AGBL4: variants seen among roughly 807,000 people sequenced by gnomAD.
AGBL4 encodes the protein AGBL carboxypeptidase 4, also known as cytosolic carboxypeptidase 6.
AGBL4 carries 58 observed loss-of-function variants against 66.4 expected under a neutral mutation model. The ratio of observed to expected loss-of-function variants is 0.87; its 90% CI spans 0.71 to 1.09. The LOEUF (loss-of-function observed/expected upper bound fraction) is 1.09, where lower values mean the gene tolerates loss of function less well. Among genes scored for constraint, AGBL4 ranks in the 50% least tolerant of loss-of-function variants. The pLI is 0.00. For missense variants in AGBL4, 579 were observed against 631.0 expected, an observed-to-expected ratio of 0.92 and a Z score of 0.88; for synonymous variants, 234 against 222.9, an observed-to-expected ratio of 1.05 and a Z score of -0.44.
intron 5 of AGBL4, among the ~76,000 whole-genome samples, chr1:48,990,436 G>T (rs1013429038): frequency 6.6e-6 from 1 of 152,012 alleles, no homozygotes; most frequent in African/African-American, 2.4e-5. Context: ...TGTGCTTGCG[G>T]GGTACTGATC....
chr1:48,885,890 G>A (rs1161798101), intron 5 of AGBL4, among the ~76,000 whole-genome samples: 1 of 152,220 alleles, frequency 6.6e-6, no homozygotes, highest in East Asian at 1.9e-4. Flanking sequence ...CCAATCTACT[G>A]TAGATGGCAA....
rs549812658 is a variant in AGBL4, at chr1:49,258,014, C to T, written c.283-12150G>A. The stretch of plus-strand genomic sequence containing the variant: ...AGCATTTGCAGTTCATGAAAATCCA[C>T]GGTTCTGCAGACCCCGCTGCTGATA... On this transcript the variant is annotated intron_variant, in intron 3 of 13. Transcript: ENST00000371839. 1.6e-4 allele frequency among the ~76,000 whole-genome samples: 25 copies of T among 152,288 alleles called. No individual in the cohort carries two copies. The South Asian group carries it at 2.5e-3, about 15-fold the overall frequency.
At chr1:48,615,093 G>T (rs1310159188) in intron 9 of AGBL4, among the ~76,000 whole-genome samples, 1 of 152,120 alleles carries the variant, frequency 6.6e-6, no homozygotes, top group East Asian at 1.9e-4. Context: ...GTTTGTGGGG[G>T]TGCAAGTGCA....
chr1:48,951,352 T>C (rs1039254501), intron 5 of AGBL4, among the ~76,000 whole-genome samples: 2 of 152,144 alleles, frequency 1.3e-5, no homozygotes, highest in Admixed American at 1.3e-4. Flanking sequence ...GTGAAGAGAG[T>C]TGGAGGGGAA....
chr1:49,654,977 G>T (rs960697764), intron 3 of AGBL4, among the ~76,000 whole-genome samples: 2 of 152,100 alleles, frequency 1.3e-5, no homozygotes, highest in African/African-American at 4.8e-5. Flanking sequence ...GATGTTAGCT[G>T]GTTATTTTGC....
chr1:50,002,518 C>A (rs574290283), intron 1 of AGBL4, among the ~76,000 whole-genome samples: 1 of 151,202 alleles, frequency 6.6e-6, no homozygotes, highest in Non-Finnish European at 1.5e-5. Context: ...TACAGGCGCC[C>A]GCCACCACGC....
At chr1:49,250,795 A>G (rs1651995164) in intron 3 of AGBL4, among the ~76,000 whole-genome samples, 1 of 152,074 alleles carries the variant, frequency 6.6e-6, no homozygotes, top group Non-Finnish European at 1.5e-5. Context: ...ACCCACTCTC[A>G]CTACCAGCCT....
intron 1 of AGBL4, among the ~76,000 whole-genome samples, chr1:49,938,829 A>G (rs1654408332): frequency 6.6e-6 from 1 of 152,198 alleles, no homozygotes; most frequent in African/African-American, 2.4e-5. Context: ...TAAATTCAAC[A>G]TAGTGTTGGA....
At chr1:48,742,748 C>T in intron 6 of AGBL4, 1 of 1,603,618 alleles carries the variant, frequency 6.2e-7, no homozygotes, top group Non-Finnish European at 8.5e-7. Context: ...TCTGACTTTA[C>T]TTTTTCCAGA....
chr1:48,558,039 G>A (rs1372909964), intron 11 of AGBL4, among the ~76,000 whole-genome samples: 1 of 152,096 alleles, frequency 6.6e-6, no homozygotes, highest in African/African-American at 2.4e-5. Context: ...TTAGATAAGT[G>A]GGTCATCCAC....
chr1:48,765,743 A>C (rs1644497024), intron 6 of AGBL4, among the ~76,000 whole-genome samples: 1 of 152,246 alleles, frequency 6.6e-6, no homozygotes. Context: ...CATAAAAAGA[A>C]ATGATGTACT....
At chr1:48,764,572 GT>G (rs1251400668) in intron 6 of AGBL4, among the ~76,000 whole-genome samples, 1 of 152,168 alleles carries the variant, frequency 6.6e-6, no homozygotes, top group Non-Finnish European at 1.5e-5. Flanking sequence ...AGAAAAGGTG[GT>G]TGGAACTAGA....
At chr1:49,486,601 G>A (rs1330668062) in intron 3 of AGBL4, among the ~76,000 whole-genome samples, 1 of 151,756 alleles carries the variant, frequency 6.6e-6, no homozygotes, top group Admixed American at 6.6e-5. Flanking sequence ...TCTCTCTCTG[G>A]TTCATTTCCC....
Position 49,288,303 on chromosome 1 carries a change from A to T in AGBL4, c.283-42439T>A, listed in dbSNP as rs559539400. On this transcript the variant is annotated intron_variant, in intron 3 of 13. Coordinates refer to ENST00000371839, the MANE Select transcript of AGBL4 (RefSeq NM_032785.4). Reference sequence around the variant, plus strand: ...TGGGTGCAGCACACCAGCATGGCACATGTATACATATGTAACTAACCTGCA... The same window carrying T: ...TGGGTGCAGCACACCAGCATGGCACTTGTATACATATGTAACTAACCTGCA... Among the ~76,000 whole-genome samples, 4 of 151,186 alleles carry T rather than the reference A, an allele frequency of 2.6e-5. No individual in the cohort carries two copies. In the South Asian group the frequency reaches 6.4e-4, roughly 24 times the overall value.
intron 6 of AGBL4, among the ~76,000 whole-genome samples, chr1:48,820,155 T>G (rs1347862998): frequency 2.0e-5 from 3 of 152,232 alleles, no homozygotes; most frequent in African/African-American, 7.2e-5. Flanking sequence ...GGTTTTCTAT[T>G]TGTTATCCTC....
chr1:49,115,257 G>A (rs1180653009), intron 4 of AGBL4, among the ~76,000 whole-genome samples: 1 of 152,112 alleles, frequency 6.6e-6, no homozygotes, highest in Non-Finnish European at 1.5e-5. Context: ...ATGGGAACTT[G>A]TTTAGGGTCA....
At chr1:49,948,024 A>G (rs1216993109) in intron 1 of AGBL4, among the ~76,000 whole-genome samples, 1 of 84,936 alleles carries the variant, frequency 1.2e-5, no homozygotes, top group Non-Finnish European at 1.9e-5. Context: ...ATAAATATAT[A>G]TAAATATATA....
intron 3 of AGBL4, among the ~76,000 whole-genome samples, chr1:49,637,128 A>G (rs781671246): frequency 1.3e-5 from 2 of 152,108 alleles, no homozygotes; most frequent in Non-Finnish European, 2.9e-5. Context: ...TGGGACTGGG[A>G]CTGGCTCTCC....
rs566437473 is a variant in AGBL4, at chr1:49,462,481, G to T, written c.283-216617C>A. ...AACCATCAGTGACTAAATGACTGTT[G>T]GTGTATCCTTAGAAAAATAAGCTTA... On this transcript the variant is annotated intron_variant, in intron 3 of 13. Transcript: ENST00000371839. 1.1e-3 allele frequency among the ~76,000 whole-genome samples: 174 copies of T among 151,682 alleles called. 1 individual carries two copies. The highest frequency in any genetic ancestry group is 4.0e-3 in the African/African-American group (167 of 41,442).
Sources: gnomAD v4.1 joint callset for allele counts (sites outside exome capture counted in the v4.1 genomes callset) on GRCh38, gnomAD v4.1.1 for gene constraint, MANE v1.5 for transcripts, NCBI Gene and HGNC (gene_info 2026-07-23, HGNC 2026-07-21) for gene names.